DOCK11: variants seen among roughly 807,000 people sequenced by gnomAD.
DOCK11 encodes dedicator of cytokinesis protein 11.
DOCK11 carries 70 observed loss-of-function variants against 169.1 expected under a neutral mutation model. The ratio of observed to expected loss-of-function variants is 0.41; its 90% confidence interval spans 0.34 to 0.51. The LOEUF (loss-of-function observed/expected upper bound fraction) is 0.51. DOCK11 is among the 20% of genes least tolerant of loss of function. The pLI, the probability that DOCK11 is intolerant of heterozygous loss-of-function variation, is 0.10. For synonymous variants in DOCK11, 529 were observed against 541.3 expected, an observed-to-expected ratio of 0.98 and a Z score of 0.32; for missense variants, 1,166 against 1,538.8, an observed-to-expected ratio of 0.76 and a Z score of 4.05.
chrX:118,586,437 A>G (rs1471431587), intron 16 of DOCK11, among the ~76,000 whole-genome samples: 1 of 110,970 alleles, frequency 9.0e-6, no homozygotes, highest in East Asian at 2.8e-4. Flanking sequence ...AAACACTTAT[A>G]AAACCATCAG....
chrX:118,678,914 G>A (rs2016674821), intron 48 of DOCK11, among the ~76,000 whole-genome samples: 1 of 109,225 alleles, frequency 9.2e-6, no homozygotes, highest in Non-Finnish European at 1.9e-5. Context: ...GGGACTACAG[G>A]TGTGCACCAC....
intron 45 of DOCK11, among the ~76,000 whole-genome samples, chrX:118,666,689 T>C (rs747820166): frequency 7.1e-5 from 8 of 112,215 alleles, no homozygotes; most frequent in Non-Finnish European, 1.1e-4. Flanking sequence ...TATCTATGAC[T>C]TATTGTTGAC....
At chrX:118,599,283 C>A in intron 23 of DOCK11, 55 bp downstream of exon 23, 1 of 910,165 alleles carries the variant, frequency 1.1e-6, no homozygotes, top group Non-Finnish European at 1.6e-6. Context: ...TTTCTGTTGC[C>A]ACATTTTGGT....
chrX:118,522,269 A>G (rs989249393), intron 1 of DOCK11, among the ~76,000 whole-genome samples: 11 of 110,418 alleles, frequency 1.0e-4, no homozygotes, highest in African/African-American at 3.6e-4. Context: ...GCAATGAGTG[A>G]TATTGCACCA....
chrX:118,596,610 C>T (rs998165360), intron 20 of DOCK11, among the ~76,000 whole-genome samples: 1 of 111,828 alleles, frequency 8.9e-6, no homozygotes, highest in Non-Finnish European at 1.9e-5. Flanking sequence ...CACTTGAATC[C>T]CAGAGTAATT....
intron 1 of DOCK11, among the ~76,000 whole-genome samples, chrX:118,525,141 T>C (rs2011345268): frequency 9.6e-6 from 1 of 104,404 alleles, no homozygotes; most frequent in African/African-American, 3.7e-5. Flanking sequence ...CGAGACTCTG[T>C]CTCAAAAAAA....
intron 32 of DOCK11, among the ~76,000 whole-genome samples, chrX:118,624,864 T>C (rs2015063057): frequency 9.4e-6 from 1 of 106,387 alleles, no homozygotes; most frequent in African/African-American, 3.5e-5. Context: ...GCTCAAGTGA[T>C]CCTCCTGCTT....
chrX:118,625,081 T>C (rs930770810), intron 32 of DOCK11, among the ~76,000 whole-genome samples: 4 of 110,354 alleles, frequency 3.6e-5, no homozygotes, highest in Admixed American at 9.7e-5. Context: ...TTTTACTCCA[T>C]GTACACTGTT....
At chrX:118,500,273 C>T (rs1244361413) in intron 1 of DOCK11, among the ~76,000 whole-genome samples, 3 of 110,771 alleles carry the variant, frequency 2.7e-5, no homozygotes, top group Non-Finnish European at 5.7e-5. Flanking sequence ...TGGTCTCGAT[C>T]TCCTGACCTC....
At chrX:118,499,600 T>G (rs1001775352) in intron 1 of DOCK11, among the ~76,000 whole-genome samples, 3 of 111,886 alleles carry the variant, frequency 2.7e-5, no homozygotes, top group Admixed American at 1.9e-4. Context: ...ACGGAACCAC[T>G]CCTCTGCTCC....
chrX:118,579,247 A>T (rs1323289785), intron 13 of DOCK11, among the ~76,000 whole-genome samples: 11 of 112,066 alleles, frequency 9.8e-5, no homozygotes. Context: ...AAAAGTTGGC[A>T]ACCCTATATT....
chrX:118,592,043 T>G (rs2014016041), intron 19 of DOCK11, among the ~76,000 whole-genome samples: 2 of 107,167 alleles, frequency 1.9e-5, no homozygotes, highest in Admixed American at 2.0e-4. Context: ...TGTTGGACAT[T>G]TGGGTTGGTT....
In DOCK11 at chrX:118,496,158, G is replaced by T. The variant is rs1378341612; in HGVS notation, c.102+85G>T. The T allele has an allele frequency of 1.9e-5, 12 of 630,712 alleles. 1 individual carries two copies. The Admixed American group carries it at 4.7e-4, about 25-fold the overall frequency. The allele number at this position is 630,712 out of a possible 1,213,427, so 52.0% of individuals were successfully genotyped here. On this transcript the variant is annotated intron_variant, in intron 1 of 52. Transcript: ENST00000276202. ...AAGGGGCAGGAACGGCGCCAGTGCG[G>T]CCGCTTGGTGCGCCGCGCGCTGTCT...
chrX:118,663,420 TAAAG>T (rs1459507630), intron 45 of DOCK11, among the ~76,000 whole-genome samples: 2 of 110,996 alleles, frequency 1.8e-5, no homozygotes, highest in African/African-American at 6.6e-5. Flanking sequence ...TCAGGTAAAA[TAAAG>T]GAAGTATGAT....
intron 23 of DOCK11, among the ~76,000 whole-genome samples, chrX:118,600,622 T>C (rs889936313): frequency 1.7e-4 from 19 of 110,816 alleles, no homozygotes; most frequent in Non-Finnish European, 1.9e-5. Flanking sequence ...ATATACGTCA[T>C]CTCATATGGT....
chrX:118,584,184 G>A (rs2013743408), intron 14 of DOCK11, among the ~76,000 whole-genome samples: 1 of 112,118 alleles, frequency 8.9e-6, no homozygotes, highest in Non-Finnish European at 1.9e-5. Context: ...ACCCCAGAAA[G>A]TTTCCTCATG....
intron 1 of DOCK11, among the ~76,000 whole-genome samples, chrX:118,523,042 T>TA (rs755352131): frequency 2.7e-5 from 3 of 112,715 alleles, no homozygotes; most frequent in Non-Finnish European, 5.6e-5. Context: ...CAGTCATTGC[T>TA]AAAATTAAAT....
chrX:118,519,530 C>G (rs886095764), intron 1 of DOCK11, among the ~76,000 whole-genome samples: 1 of 112,041 alleles, frequency 8.9e-6, no homozygotes, highest in African/African-American at 3.2e-5. Flanking sequence ...CAGAGCTTGA[C>G]TCTGTCTCAA....
Position 118,590,268 on chromosome X carries a change from C to T in DOCK11, c.2105C>T (p.Ser702Leu), listed in dbSNP as rs2013945991. 15 of 1,209,901 alleles carry T rather than the reference C, an allele frequency of 1.2e-5. No individual in the cohort carries two copies. Among genetic ancestry groups the T allele is most frequent in the Non-Finnish European group, 1.5e-5 (13 of 894,031 alleles). The change falls in exon 19 of 53, where the codon TCG becomes TTG. Residue 702 changes from serine to leucine, a missense_variant. Coordinates refer to ENST00000276202, the MANE Select transcript of DOCK11 (RefSeq NM_144658.4). ...VFTTNAYAVV[S>L]HHNQNPEFYD... ...ACCACAAATGCTTATGCTGTTGTCT[C>T]GCATCACAACCAAAATCCAGAGTTC... is the stretch of plus-strand genomic sequence containing the variant.
Sources: allele counts gnomAD v4.1 joint callset (sites outside exome capture counted in the v4.1 genomes callset), GRCh38; gene constraint gnomAD v4.1.1; transcripts MANE v1.5; gene names NCBI Gene and HGNC (gene_info 2026-07-23, HGNC 2026-07-21).